Variants in LCOR observed in about 807,000 individuals in gnomAD.
The protein encoded by LCOR is ligand-dependent corepressor.
A neutral mutation model predicts 64.4 loss-of-function variants in LCOR; 14 were observed. That is an observed-to-expected ratio of 0.22 (90% CI 0.14 to 0.34). LCOR has a LOEUF of 0.34. Among genes scored for constraint, LCOR ranks in the 10% least tolerant of loss-of-function variants. The probability of loss-of-function intolerance (pLI) is 1.00; values close to 1 mark genes in which losing one functional copy is unlikely to be tolerated. For synonymous variants in LCOR, 643 were observed against 642.5 expected, an observed-to-expected ratio of 1.00 and a Z score of -0.01; for missense variants, 1,686 against 1,765.3, an observed-to-expected ratio of 0.96 and a Z score of 0.80.
chr10:96,892,221 A>G (rs983500491), intron 2 of LCOR, among the ~76,000 whole-genome samples: 1 of 151,946 alleles, frequency 6.6e-6, no homozygotes. Context: ...TTGTTGAGCC[A>G]TTTCTTCCTT....
chr10:96,969,602 A>C (rs866224731), intron 7 of LCOR, among the ~76,000 whole-genome samples: 9 of 152,230 alleles, frequency 5.9e-5, no homozygotes, highest in Middle Eastern at 6.8e-3. Flanking sequence ...GAGGGTGGGA[A>C]TGTGTATGTT....
At chr10:96,859,356 C>T (rs373824946) in intron 2 of LCOR, among the ~76,000 whole-genome samples, 2 of 152,018 alleles carry the variant, frequency 1.3e-5, no homozygotes, top group Non-Finnish European at 2.9e-5. Context: ...ATTACAGGCG[C>T]CTGCCACCAC....
At chr10:96,915,016 C>T (rs541823871) in intron 4 of LCOR, among the ~76,000 whole-genome samples, 1 of 152,168 alleles carries the variant, frequency 6.6e-6, no homozygotes, top group African/African-American at 2.4e-5. Flanking sequence ...TTTTCTATAC[C>T]ACAAGGCTTT....
rs140878269 is a variant in LCOR at position 96,985,021 on chromosome 10, C to A, written c.4561C>A (p.Arg1521=). 6.2e-7 allele frequency: 1 copy of A among 1,614,052 alleles called. No homozygotes were observed. The highest frequency in any genetic ancestry group is 1.7e-5 in the Admixed American group (1 of 59,998). The change falls in exon 8 of 8, where the codon CGG becomes AGG. Residue 1521 remains arginine (R), a synonymous_variant. Transcript: ENST00000421806. ...TAGGAAGCAGAGTAGTGGAAAGACTCGGGCCAGACCCTCAACGAAAACCCC... is the reference window on the plus strand; with the variant it reads ...TAGGAAGCAGAGTAGTGGAAAGACTAGGGCCAGACCCTCAACGAAAACCCC... ...TNRKQSSGKT[R]ARPSTKTPES...
intron 4 of LCOR, among the ~76,000 whole-genome samples, chr10:96,923,869 C>T (rs565949889): frequency 2.0e-4 from 31 of 152,260 alleles, no homozygotes; most frequent in African/African-American, 7.5e-4. Context: ...TTATAATACC[C>T]ACAAGCTAAA....
At chr10:96,941,338 C>T (rs1847469405) in intron 4 of LCOR, among the ~76,000 whole-genome samples, 1 of 138,446 alleles carries the variant, frequency 7.2e-6, no homozygotes, top group African/African-American at 2.8e-5. Context: ...GCAGAGGAGT[C>T]CTCACTTCCC....
At chr10:96,937,322 C>T (rs1847368123) in intron 4 of LCOR, among the ~76,000 whole-genome samples, 1 of 152,058 alleles carries the variant, frequency 6.6e-6, no homozygotes, top group Non-Finnish European at 1.5e-5. Context: ...CTATTGACAC[C>T]CTAATTTTGG....
At chr10:96,935,139 C>CTTTTT (rs34176037) in intron 4 of LCOR, among the ~76,000 whole-genome samples, 16 of 65,554 alleles carry the variant, frequency 2.4e-4, no homozygotes, top group Admixed American at 1.8e-3. Context: ...GGCTATTTTA[C>CTTTTT]TTTTTTTTTT....
intron 6 of LCOR, among the ~76,000 whole-genome samples, chr10:96,949,624 A>T (rs1172415725): frequency 6.6e-6 from 1 of 152,190 alleles, no homozygotes; most frequent in Non-Finnish European, 1.5e-5. Flanking sequence ...CCTATGAAAA[A>T]GTAAGTTTTC....
intron 4 of LCOR, among the ~76,000 whole-genome samples, chr10:96,934,285 GGAAACCC>G (rs1847311251): frequency 6.6e-6 from 1 of 152,172 alleles, no homozygotes. Flanking sequence ...GAGAGATGGA[GGAAACCC>G]TTTGGGTTAA....
In LCOR at chr10:96,981,550, G is replaced by T. The variant is rs1298396065; in HGVS notation, c.1090G>T (p.Ala364Ser). Residue 364 changes from alanine (A) to serine (S), a missense_variant, in exon 8 of 8, where the codon GCT becomes TCT. By Grantham distance (99) the Ala-to-Ser change is moderately conservative. This residue lies in a region of LCOR where 313 missense variants were observed against 247.2 expected (regional missense o/e 1.27). Coordinates refer to ENST00000421806, the MANE Select transcript of LCOR (RefSeq NM_001346516.2). ...GTTTATGGGGAACTCATCTAGAACT[G>T]CTGACAAAGAGAATACTTTACAGTG... Reference protein sequence around the residue: ...SGFMGNSSRTADKENTLQCPK... With the variant: ...SGFMGNSSRTSDKENTLQCPK... 7.4e-6 allele frequency: 12 copies of T among 1,614,114 alleles called. No individual in the cohort carries two copies. The highest frequency in any genetic ancestry group is 2.7e-5 in the African/African-American group (2 of 74,952).
In LCOR at chr10:96,989,695, A is replaced by ATATATATATATATTTTT. The variant is rs1371771053; in HGVS notation, c.*4562_*4563insATATATATATATTTTTT. 2 of 86,190 alleles carry ATATATATATATATTTTT rather than the reference A, an allele frequency of 2.3e-5. No homozygotes were observed. Among genetic ancestry groups the ATATATATATATATTTTT allele is most frequent in the African/African-American group, 1.2e-4 (2 of 16,156 alleles). The allele number at this position is 86,190 out of a possible 1,614,324, so 5.3% of individuals were successfully genotyped here. On this transcript the variant is annotated 3_prime_UTR_variant, in exon 8 of 8. Coordinates refer to ENST00000421806, the MANE Select transcript of LCOR (RefSeq NM_001346516.2). ...TAAGGATATATATATATATATATAT[A>ATATATATATATATTTTT]TTTTTTTTTTTTTTTTTTTTTTTTA...
intron 2 of LCOR, among the ~76,000 whole-genome samples, chr10:96,883,111 G>A (rs536331445): frequency 9.2e-5 from 14 of 152,184 alleles, no homozygotes; most frequent in South Asian, 4.2e-4. Flanking sequence ...ATCTTGGCTC[G>A]CTGCAACCCT....
chr10:96,942,326 G>A lies in LCOR; in HGVS notation c.-183-1787G>A, dbSNP rs1473498877. Among the ~76,000 whole-genome samples the A allele has an allele frequency of 6.8e-3, 1,029 of 152,024 alleles. 3 individuals carry two copies. Among genetic ancestry groups the A allele is most frequent in the African/African-American group, 0.024 (979 of 41,492 alleles). On this transcript the variant is annotated intron_variant, in intron 4 of 7. Transcript: ENST00000421806. Reference sequence around the variant, plus strand: ...GGCGTGGCGGCGCGCGCCTGCAATCGCAGGCACTCGGCAGGCTGAGGCAGG... The same window carrying A: ...GGCGTGGCGGCGCGCGCCTGCAATCACAGGCACTCGGCAGGCTGAGGCAGG...
intron 2 of LCOR, among the ~76,000 whole-genome samples, chr10:96,864,310 A>G (rs1468220557): frequency 6.6e-6 from 1 of 152,224 alleles, no homozygotes; most frequent in African/African-American, 2.4e-5. Context: ...TGGTAATCCA[A>G]AATGTTCTCT....
At chr10:96,947,399 G>A (rs1333444772) in intron 5 of LCOR, among the ~76,000 whole-genome samples, 1 of 152,074 alleles carries the variant, frequency 6.6e-6, no homozygotes, top group East Asian at 1.9e-4. Flanking sequence ...TAGGAGTCCT[G>A]TGAGGTTTTG....
chr10:96,889,635 G>T (rs1264324997), intron 2 of LCOR, among the ~76,000 whole-genome samples: 2 of 152,118 alleles, frequency 1.3e-5, no homozygotes, highest in Non-Finnish European at 2.9e-5. Flanking sequence ...CATCTTTGTT[G>T]CTTCCTTAGA....
At chr10:96,918,627 T>C (rs904160067) in intron 4 of LCOR, among the ~76,000 whole-genome samples, 1 of 152,110 alleles carries the variant, frequency 6.6e-6, no homozygotes, top group Non-Finnish European at 1.5e-5. Context: ...GAGGGAACAG[T>C]TGGAAAAGGC....
intron 6 of LCOR, among the ~76,000 whole-genome samples, chr10:96,950,038 A>G (rs1847650931): frequency 6.6e-6 from 1 of 152,134 alleles, no homozygotes; most frequent in South Asian, 2.1e-4. Flanking sequence ...CTTTAATTTC[A>G]CAAAAATTGA....
Sources: gnomAD v4.1 joint callset for allele counts (sites outside exome capture counted in the v4.1 genomes callset) on GRCh38, gnomAD v4.1.1 for gene constraint, gnomAD v4.1.1 regional missense constraint, MANE v1.5 for transcripts, NCBI Gene and HGNC (gene_info 2026-07-23, HGNC 2026-07-21) for gene names.